SIPA1L1: variants seen among roughly 807,000 people sequenced by gnomAD.
SIPA1L1 encodes signal-induced proliferation-associated 1-like protein 1.
A neutral mutation model predicts 162.7 loss-of-function variants in SIPA1L1; 26 were observed. That is an observed-to-expected ratio of 0.16 (90% confidence interval 0.12 to 0.22). The LOEUF (loss-of-function observed/expected upper bound fraction) is 0.22, where lower values mean the gene tolerates loss of function less well. SIPA1L1 is among the 10% of genes least tolerant of loss of function. SIPA1L1 has a pLI of 1.00. For synonymous variants in SIPA1L1, 829 were observed against 837.4 expected, an observed-to-expected ratio of 0.99 and a Z score of 0.17; for missense variants, 1,874 against 2,241.0, an observed-to-expected ratio of 0.84 and a Z score of 3.31.
chr14:71,337,864 T>G (rs964457528), intron 2 of SIPA1L1, among the ~76,000 whole-genome samples: 1 of 152,100 alleles, frequency 6.6e-6, no homozygotes, highest in Non-Finnish European at 1.5e-5. Context: ...GAGGATCGCA[T>G]GAGGCCAGGA....
At chr14:71,605,920 G>A (rs2037437077) in intron 5 of SIPA1L1, among the ~76,000 whole-genome samples, 1 of 152,142 alleles carries the variant, frequency 6.6e-6, no homozygotes, top group South Asian at 2.1e-4. Context: ...CTGGGCCCTG[G>A]GAAGCAGGCA....
chr14:71,700,926 G>A (rs557370307), intron 14 of SIPA1L1, among the ~76,000 whole-genome samples: 25 of 127,580 alleles, frequency 2.0e-4, no homozygotes, highest in South Asian at 1.3e-3. Flanking sequence ...CCCGGGAGGC[G>A]GAGCTTGCAG....
At chr14:71,666,830 G>A (rs903300387) in intron 10 of SIPA1L1, among the ~76,000 whole-genome samples, 1 of 140,866 alleles carries the variant, frequency 7.1e-6, no homozygotes, top group Non-Finnish European at 1.5e-5. Context: ...CGTGATGCAT[G>A]TCCATTAAAT....
chr14:71,478,380 A>T (rs2048053447), intron 2 of SIPA1L1, among the ~76,000 whole-genome samples: 1 of 152,084 alleles, frequency 6.6e-6, no homozygotes, highest in South Asian at 2.1e-4. Context: ...AATTTTGAAG[A>T]AGTACAGTTT....
intron 2 of SIPA1L1, among the ~76,000 whole-genome samples, chr14:71,423,339 T>C (rs957023923): frequency 2.6e-5 from 4 of 152,168 alleles, no homozygotes; most frequent in African/African-American, 9.6e-5. Context: ...TGAAGTCCAA[T>C]TTATCTGTTT....
At chr14:71,522,196 T>G (rs2052424098) in intron 3 of SIPA1L1, among the ~76,000 whole-genome samples, 1 of 152,248 alleles carries the variant, frequency 6.6e-6, no homozygotes, top group Non-Finnish European at 1.5e-5. Context: ...GAGAAATAAG[T>G]CATCACCTTA....
intron 12 of SIPA1L1, among the ~76,000 whole-genome samples, chr14:71,684,620 G>C (rs903917029): frequency 6.6e-6 from 1 of 152,148 alleles, no homozygotes; most frequent in Non-Finnish European, 1.5e-5. Flanking sequence ...CACCCTTTCA[G>C]AGCCTGGTCA....
chr14:71,472,593 G>T (rs2047546514), intron 2 of SIPA1L1, among the ~76,000 whole-genome samples: 1 of 151,976 alleles, frequency 6.6e-6, no homozygotes, highest in South Asian at 2.1e-4. Context: ...AGTCATTCAG[G>T]AGACTGATTA....
At position 71,587,734 on chromosome 14, in the gene SIPA1L1, A is replaced by C; in HGVS notation, c.-139A>C. On this transcript the variant is annotated 5_prime_UTR_variant, in exon 5 of 24. Coordinates refer to ENST00000381232, the MANE Select transcript of SIPA1L1 (RefSeq NM_001386936.1). ...TGCTTTACAAATAAAGCATCATTTA[A>C]CCTTTTAAATGAAAAAGATTAAGAT... 1.2e-6 allele frequency: 1 copy of C among 809,198 alleles called. No individual in the cohort carries two copies. The highest frequency in any genetic ancestry group is 1.9e-5 in the South Asian group (1 of 51,822). The allele number at this position is 809,198 out of a possible 1,614,324, so 50.1% of individuals were successfully genotyped here.
chr14:71,637,186 G>GA (rs771472530), intron 7 of SIPA1L1, among the ~76,000 whole-genome samples: 1 of 148,478 alleles, frequency 6.7e-6, no homozygotes, highest in Non-Finnish European at 1.5e-5. Context: ...TGATAAAATT[G>GA]AAAATCCTCT....
chr14:71,407,946 T>C (rs1175029531), intron 2 of SIPA1L1, among the ~76,000 whole-genome samples: 2 of 152,164 alleles, frequency 1.3e-5, no homozygotes, highest in Non-Finnish European at 2.9e-5. Flanking sequence ...TGATGGAAAG[T>C]CAACAATGGA....
intron 4 of SIPA1L1, among the ~76,000 whole-genome samples, chr14:71,546,164 T>A (rs987236279): frequency 6.6e-6 from 1 of 152,162 alleles, no homozygotes; most frequent in African/African-American, 2.4e-5. Flanking sequence ...CCTATAATTT[T>A]GTGAGCTCCT....
At chr14:71,637,129 TGTGCAC>T (rs2148849369) in intron 7 of SIPA1L1, among the ~76,000 whole-genome samples, 1 of 150,052 alleles carries the variant, frequency 6.7e-6, no homozygotes, top group African/African-American at 2.4e-5. Context: ...AGATCCTGTG[TGTGCAC>T]GCGTGCACAC....
chr14:71,510,296 C>T (rs1200371454), intron 2 of SIPA1L1, among the ~76,000 whole-genome samples: 3 of 147,898 alleles, frequency 2.0e-5, no homozygotes, highest in Non-Finnish European at 4.4e-5. Flanking sequence ...AAACAATTCT[C>T]CTGCTTCAGC....
Position 71,712,816 on chromosome 14 carries a change from A to G in SIPA1L1, c.4208+3152A>G, listed in dbSNP as rs927600151. ...ATCTCTTCTGTAACTGACTGACCTG[A>G]CTTGTTTTGGTGTCCACGGTTGTTA... On this transcript the variant is annotated intron_variant, in intron 17 of 23. Transcript: ENST00000381232. 5.3e-5 allele frequency among the ~76,000 whole-genome samples: 8 copies of G among 152,250 alleles called. No individual in the cohort carries two copies. In the South Asian group the frequency reaches 6.2e-4, roughly 12 times the overall value.
chr14:71,341,884 A>G (rs1349879967), intron 2 of SIPA1L1, among the ~76,000 whole-genome samples: 1 of 151,838 alleles, frequency 6.6e-6, no homozygotes, highest in Non-Finnish European at 1.5e-5. Flanking sequence ...TATGTACCAT[A>G]TTTTCTTTAT....
At chr14:71,684,508 T>C (rs1384898432) in intron 12 of SIPA1L1, among the ~76,000 whole-genome samples, 3 of 152,252 alleles carry the variant, frequency 2.0e-5, no homozygotes, top group Non-Finnish European at 2.9e-5. Flanking sequence ...ACACAGCACT[T>C]GTGATGTCGC....
At chr14:71,573,256 A>G (rs1163141441) in intron 4 of SIPA1L1, among the ~76,000 whole-genome samples, 5 of 152,244 alleles carry the variant, frequency 3.3e-5, no homozygotes, top group Admixed American at 2.0e-4. Context: ...TGCAGTAAGT[A>G]TCTTTGGACA....
rs556120366 is a variant in SIPA1L1 at position 71,533,736 on chromosome 14, C to G, written c.-303+4366C>G. ...TTCATTTTGGAGTTGTTGAAAATCA[C>G]ATATTCAAATTATAAAATTGTTAGA... On this transcript the variant is annotated intron_variant, in intron 4 of 23. Transcript: ENST00000381232. 1.3e-4 allele frequency among the ~76,000 whole-genome samples: 20 copies of G among 152,294 alleles called. No individual in the cohort carries two copies. The South Asian group carries it at 3.7e-3, about 28-fold the overall frequency.
Sources: allele counts gnomAD v4.1 joint callset (sites outside exome capture counted in the v4.1 genomes callset), GRCh38; gene constraint gnomAD v4.1.1; transcripts MANE v1.5; gene names NCBI Gene and HGNC (gene_info 2026-07-23, HGNC 2026-07-21).